Variants in AUTS2 observed in about 807,000 individuals in gnomAD.
The protein encoded by AUTS2 is autism susceptibility gene 2 protein.
In AUTS2, 17 loss-of-function variants were observed where a neutral mutation model predicts 112.4. The ratio of observed to expected loss-of-function variants is 0.15; its 90% CI spans 0.10 to 0.23. AUTS2 has a LOEUF of 0.23. AUTS2 is among the 10% of genes least tolerant of loss of function. The pLI is 1.00. For missense variants in AUTS2, 1,510 were observed against 1,701.6 expected (o/e 0.89, Z 1.98); for synonymous variants, 751 against 702.7 (o/e 1.07, Z -1.09).
chr7:70,124,473 G>T (rs555078673), intron 3 of AUTS2, among the ~76,000 whole-genome samples: 1 of 151,996 alleles, frequency 6.6e-6, no homozygotes, highest in South Asian at 2.1e-4. Context: ...GTCTTCCAGG[G>T]TTTTTATAGT....
intron 1 of AUTS2, among the ~76,000 whole-genome samples, chr7:69,768,381 TTTCA>T (rs1788520357): frequency 6.6e-6 from 1 of 152,238 alleles, no homozygotes; most frequent in Non-Finnish European, 1.5e-5. Flanking sequence ...GTGGAGTACA[TTTCA>T]GTTTCATAGA....
chr7:70,421,177 T>A (rs1326450784), intron 4 of AUTS2, among the ~76,000 whole-genome samples: 1 of 152,196 alleles, frequency 6.6e-6, no homozygotes, highest in Admixed American at 6.5e-5. Flanking sequence ...TCTTCATTCC[T>A]TTTTCTTTCC....
intron 5 of AUTS2, among the ~76,000 whole-genome samples, chr7:70,690,466 C>T (rs1808699062): frequency 6.6e-6 from 1 of 152,182 alleles, no homozygotes; most frequent in South Asian, 2.1e-4. Flanking sequence ...CCTCAAGAAG[C>T]ACACAGCACA....
intron 5 of AUTS2, among the ~76,000 whole-genome samples, chr7:70,526,303 T>A (rs1257450924): frequency 6.6e-6 from 1 of 152,172 alleles, no homozygotes; most frequent in East Asian, 1.9e-4. Context: ...TCTGCTGACA[T>A]CGTTTATTCT....
intron 5 of AUTS2, among the ~76,000 whole-genome samples, chr7:70,561,673 A>G (rs548505855): frequency 6.6e-6 from 1 of 152,236 alleles, no homozygotes; most frequent in East Asian, 1.9e-4. Flanking sequence ...CGTTAGGTTG[A>G]TAAGATGGCT....
At chr7:69,771,028 CTG>C (rs1214323830) in intron 1 of AUTS2, among the ~76,000 whole-genome samples, 4 of 152,132 alleles carry the variant, frequency 2.6e-5, no homozygotes, top group African/African-American at 7.2e-5. Context: ...GTTAAAGAAA[CTG>C]TGTGTTTGCA....
intron 1 of AUTS2, among the ~76,000 whole-genome samples, chr7:69,613,003 A>G (rs972707682): frequency 7.2e-5 from 11 of 152,136 alleles, no homozygotes; most frequent in African/African-American, 7.2e-5. Flanking sequence ...TGTGCTAGCA[A>G]TTTTGCATTC....
intron 4 of AUTS2, among the ~76,000 whole-genome samples, chr7:70,287,997 G>C (rs1244841332): frequency 6.6e-6 from 1 of 152,224 alleles, no homozygotes; most frequent in East Asian, 1.9e-4. Context: ...GCTGAAGGAA[G>C]AGAATTTTTG....
At chr7:70,141,817 C>T (rs1441725699) in intron 4 of AUTS2, among the ~76,000 whole-genome samples, 1 of 152,132 alleles carries the variant, frequency 6.6e-6, no homozygotes, top group Admixed American at 6.5e-5. Context: ...GCAGACACAC[C>T]TTGACTAAAT....
chr7:70,465,600 C>CT (rs1797140774), intron 5 of AUTS2, among the ~76,000 whole-genome samples: 1 of 152,090 alleles, frequency 6.6e-6, no homozygotes, highest in African/African-American at 2.4e-5. Context: ...TAGAGGGGCC[C>CT]TATGAAGAGG....
intron 1 of AUTS2, among the ~76,000 whole-genome samples, chr7:69,720,270 G>A (rs558303885): frequency 3.0e-4 from 45 of 152,252 alleles, no homozygotes; most frequent in Admixed American, 8.5e-4. Context: ...AGGAATTATA[G>A]CCTTTCATAA....
chr7:70,088,431 G>T (rs934905870), intron 2 of AUTS2, among the ~76,000 whole-genome samples: 25 of 151,494 alleles, frequency 1.7e-4, no homozygotes, highest in African/African-American at 5.6e-4. Flanking sequence ...CTGGCCACAG[G>T]TTTCATTCAT....
chr7:70,000,164 A>G (rs774327227), intron 2 of AUTS2, among the ~76,000 whole-genome samples: 1 of 152,356 alleles, frequency 6.6e-6, no homozygotes, highest in Non-Finnish European at 1.5e-5. Flanking sequence ...AGTAAGCTTT[A>G]TAACAGAGCT....
intron 4 of AUTS2, among the ~76,000 whole-genome samples, chr7:70,187,631 T>C (rs1321843217): frequency 6.6e-6 from 1 of 152,194 alleles, no homozygotes; most frequent in East Asian, 1.9e-4. Context: ...TTTGGCATTA[T>C]AATCACGTGA....
At chr7:70,404,018 A>C (rs1384321382) in intron 4 of AUTS2, among the ~76,000 whole-genome samples, 3 of 152,230 alleles carry the variant, frequency 2.0e-5, no homozygotes, top group Non-Finnish European at 4.4e-5. Flanking sequence ...ATTTTTAAGA[A>C]AAAGAGAATT....
intron 5 of AUTS2, among the ~76,000 whole-genome samples, chr7:70,608,498 A>G (rs989408501): frequency 3.3e-5 from 5 of 152,162 alleles, no homozygotes; most frequent in Admixed American, 6.5e-5. Flanking sequence ...AGCAGTGACT[A>G]TTTGAGACTA....
chr7:69,820,420 G>A (rs1790939000), intron 1 of AUTS2, among the ~76,000 whole-genome samples: 1 of 152,194 alleles, frequency 6.6e-6, no homozygotes, highest in African/African-American at 2.4e-5. Flanking sequence ...TTGGGGCATC[G>A]CCCAGACTAA....
intron 1 of AUTS2, among the ~76,000 whole-genome samples, chr7:69,625,870 AAAG>A (rs1414876443): frequency 6.6e-6 from 1 of 152,144 alleles, no homozygotes; most frequent in Non-Finnish European, 1.5e-5. Flanking sequence ...GAAGAAAAGA[AAAG>A]AAAAAGACAG....
At chr7:69,744,633 TAC>T (rs1484404259) in intron 1 of AUTS2, among the ~76,000 whole-genome samples, 5 of 147,172 alleles carry the variant, frequency 3.4e-5, no homozygotes, top group African/African-American at 5.1e-5. Flanking sequence ...AGGACTTGGA[TAC>T]CAGTCTGGAC....
Sources: gnomAD v4.1 joint callset for allele counts (sites outside exome capture counted in the v4.1 genomes callset) on GRCh38, gnomAD v4.1.1 for gene constraint, MANE v1.5 for transcripts, NCBI Gene and HGNC (gene_info 2026-07-23, HGNC 2026-07-21) for gene names.